Variants in WDR20 observed in about 807,000 individuals in gnomAD.
WDR20 encodes WD repeat domain 20, also known as WD repeat-containing protein 20.
A neutral mutation model predicts 38.7 loss-of-function variants in WDR20; 3 were observed. The observed-to-expected ratio is 0.08, with a 90% CI of 0.04 to 0.20. WDR20 has a LOEUF of 0.20. WDR20 is among the 10% of genes least tolerant of loss of function. WDR20 has a pLI of 1.00. For synonymous variants in WDR20, 298 were observed against 285.6 expected, an observed-to-expected ratio of 1.04 and a Z score of -0.44; for missense variants, 559 against 727.7, an observed-to-expected ratio of 0.77 and a Z score of 2.67.
chr14:102,161,958 A>C (rs1203052187), intron 1 of WDR20, among the ~76,000 whole-genome samples: 1 of 152,194 alleles, frequency 6.6e-6, no homozygotes, highest in East Asian at 1.9e-4. Flanking sequence ...TCCTGCGGCC[A>C]AGGAAATACG....
intron 1 of WDR20, among the ~76,000 whole-genome samples, chr14:102,144,239 T>C (rs1595775550): frequency 6.6e-6 from 1 of 152,136 alleles, no homozygotes; most frequent in East Asian, 1.9e-4. Context: ...TCTCAGCGCT[T>C]TGGGAGGCCG....
chr14:102,176,195 A>T (rs1440625394), intron 1 of WDR20, among the ~76,000 whole-genome samples: 1 of 145,410 alleles, frequency 6.9e-6, no homozygotes, highest in Non-Finnish European at 1.5e-5. Context: ...GAGATCGAGA[A>T]CATCCTGGCT....
At chr14:102,177,088 C>G (rs1438285583) in intron 1 of WDR20, among the ~76,000 whole-genome samples, 1 of 152,186 alleles carries the variant, frequency 6.6e-6, no homozygotes, top group East Asian at 1.9e-4. Context: ...GTTCACTTTA[C>G]TGATGACATC....
At chr14:102,194,678 G>C (rs921268299) in intron 1 of WDR20, among the ~76,000 whole-genome samples, 11 of 152,138 alleles carry the variant, frequency 7.2e-5, no homozygotes, top group Non-Finnish European at 1.3e-4. Context: ...AGGAGTCTTT[G>C]TTACATATAT....
Position 102,220,311 on chromosome 14 carries a change from G to A in WDR20, c.1693-2519G>A, listed in dbSNP as rs149900412. 1.3e-5 allele frequency among the ~76,000 whole-genome samples: 2 copies of A among 152,352 alleles called. No homozygotes were observed. The highest frequency in any genetic ancestry group is 2.4e-5 in the African/African-American group (1 of 41,572). ...CCACTAAGTATGTAAATTGGGGCCA[G>A]TCCAACCTGAAAAGTGCCATAACGT... is the stretch of plus-strand genomic sequence containing the variant. On this transcript the variant is annotated intron_variant, in intron 3 of 3. Coordinates refer to the WDR20 transcript ENST00000335263. This position sits in a 1 kb window ranked among gnomAD's most constrained non-coding sequence, Gnocchi z 4.2.
At chr14:102,212,823 C>G, downstream of WDR20, 1 of 1,341,424 alleles carries the variant, frequency 7.5e-7, no homozygotes, top group East Asian at 2.9e-5. Flanking sequence ...TGAAATTTTT[C>G]AGTCTTTCAG....
At chr14:102,213,406 T>C, downstream of WDR20, 1 of 985,468 alleles carries the variant, frequency 1.0e-6, no homozygotes, top group Non-Finnish European at 1.2e-6. Flanking sequence ...TTTGTGCTGA[T>C]TGAACCTTCT....
chr14:102,180,144 A>G (rs753352103), intron 1 of WDR20, among the ~76,000 whole-genome samples: 6 of 152,184 alleles, frequency 3.9e-5, no homozygotes, highest in Admixed American at 6.5e-5. Context: ...GACTGTCTCA[A>G]AAACAAAACA....
At chr14:102,214,900 C>T (rs1329298905), downstream of WDR20, 3 of 984,082 alleles carry the variant, frequency 3.0e-6, no homozygotes, top group African/African-American at 1.8e-5. Flanking sequence ...GTTGCCTTGT[C>T]ACTGTCACAG....
At chr14:102,161,069 C>G (rs1460731501) in intron 1 of WDR20, among the ~76,000 whole-genome samples, 2 of 129,494 alleles carry the variant, frequency 1.5e-5, no homozygotes, top group African/African-American at 5.7e-5. Flanking sequence ...ATAAATTTAA[C>G]CTCACATGTA....
downstream of WDR20, among the ~76,000 whole-genome samples, chr14:102,216,186 T>C (rs893735397): frequency 2.0e-5 from 3 of 152,176 alleles, no homozygotes; most frequent in Non-Finnish European, 2.9e-5. Context: ...ATCTGCACTT[T>C]TTGTCTTGAG....
chr14:102,196,593 C>T (rs1384477790), intron 2 of WDR20, among the ~76,000 whole-genome samples: 2 of 152,070 alleles, frequency 1.3e-5, no homozygotes, highest in Admixed American at 1.3e-4. Flanking sequence ...CCGGAGGCAG[C>T]CCTGGCCGAG....
downstream of WDR20, among the ~76,000 whole-genome samples, chr14:102,215,223 G>C (rs1287460221): frequency 6.6e-6 from 1 of 152,220 alleles, no homozygotes; most frequent in Non-Finnish European, 1.5e-5. Context: ...TGTTTTATGT[G>C]GTCCTCCTCT....
At chr14:102,140,932 G>T (rs2050823586) in intron 1 of WDR20, among the ~76,000 whole-genome samples, 1 of 152,164 alleles carries the variant, frequency 6.6e-6, no homozygotes. Context: ...GATTAATCTT[G>T]TCCAACAAGT....
chr14:102,156,171 CTTT>C (rs771377694), intron 1 of WDR20, among the ~76,000 whole-genome samples: 1 of 138,534 alleles, frequency 7.2e-6, no homozygotes. Flanking sequence ...ACCATTAGAT[CTTT>C]TTTTTTTTTT....
At chr14:102,200,459 TTTTTTTTTTGTGTGTGTGTG>T (rs2060118692) in intron 2 of WDR20, among the ~76,000 whole-genome samples, 1 of 92,784 alleles carries the variant, frequency 1.1e-5, no homozygotes, top group African/African-American at 4.1e-5. Flanking sequence ...CTTTTTAAAT[TTTTTTTTTTGTGTGTGTGTG>T]TGTGTGTGTG....
chr14:102,197,906 G>A (rs915244505), intron 2 of WDR20: 3 of 675,570 alleles, frequency 4.4e-6, no homozygotes, highest in Non-Finnish European at 2.7e-6. Context: ...TCAGGACCTT[G>A]ACTACCTACC....
At chr14:102,153,193 C>G (rs375501060) in intron 1 of WDR20, among the ~76,000 whole-genome samples, 1 of 152,162 alleles carries the variant, frequency 6.6e-6, no homozygotes, top group Admixed American at 6.5e-5. Flanking sequence ...GCCTGCCCCC[C>G]CTTCACCTTC....
At position 102,220,838 on chromosome 14, in the gene WDR20, G is replaced by A. The variant is rs928084196; in HGVS notation, c.1693-1992G>A. Reference sequence around the variant, plus strand: ...CCCAGGCTGGAGTGCAGTGGATCGCGGCTCATTGCACCCTGCATCTCCTGG... The same window carrying A: ...CCCAGGCTGGAGTGCAGTGGATCGCAGCTCATTGCACCCTGCATCTCCTGG... On this transcript the variant is annotated intron_variant, in intron 3 of 3. Transcript: ENST00000335263. The surrounding 1 kb of genome is among the most constrained non-coding windows in gnomAD (Gnocchi z 4.2). Among the ~76,000 whole-genome samples the A allele has an allele frequency of 6.6e-6, 1 of 151,834 alleles. No individual in the cohort carries two copies. The highest frequency in any genetic ancestry group is 1.5e-5 in the Non-Finnish European group (1 of 67,964).
Sources: gnomAD v4.1 joint callset for allele counts (sites outside exome capture counted in the v4.1 genomes callset) on GRCh38, gnomAD v4.1.1 for gene constraint, Gnocchi (gnomAD v3.1) non-coding constraint, MANE v1.5 for transcripts, NCBI Gene and HGNC (gene_info 2026-07-23, HGNC 2026-07-21) for gene names.